The following SLC12A7 variants were observed in gnomAD, a reference collection of about 807,000 sequenced individuals.
The protein encoded by SLC12A7 is solute carrier family 12 member 7, also known as K-Cl cotransporter 4.
Under a neutral mutation model 120.6 loss-of-function variants are expected in SLC12A7, and 100 were observed. That is an observed-to-expected ratio of 0.83 (90% CI 0.71 to 0.98). The LOEUF is 0.98. Among genes scored for constraint, SLC12A7 ranks in the 50% least tolerant of loss-of-function variants. The pLI is 0.00. For missense variants in SLC12A7, 1,373 were observed against 1,548.1 expected (o/e 0.89, Z 1.90); for synonymous variants, 760 against 678.0 (o/e 1.12, Z -1.88).
rs567702217 is a variant in SLC12A7 at position 1,075,111 on chromosome 5, G to A, written c.1967+260C>T. The stretch of plus-strand genomic sequence containing the variant: ...AGGAATAGTCAGCCGTGGGCTCACC[G>A]CCTGCTGAGGACGGCACGAGACAGA... On this transcript the variant is annotated intron_variant, in intron 15 of 23. Coordinates refer to ENST00000264930, the MANE Select transcript of SLC12A7 (RefSeq NM_006598.3). Among the ~76,000 whole-genome samples, 14 of 152,318 alleles carry A rather than the reference G, an allele frequency of 9.2e-5. No individual in the cohort carries two copies. The East Asian group carries it at 9.6e-4, about 10-fold the overall frequency.
Position 1,075,498 on chromosome 5 carries a change from C to T in SLC12A7, c.1848-8G>A, listed in dbSNP as rs561542043. ...CCCAGAAAGGACAGGGTCCTGGGGG[C>T]GGGGCAAGTGGCTCGGGGCGGCCCA... On this transcript the variant is annotated splice_region_variant and splice_polypyrimidine_tract_variant and intron_variant, in intron 14 of 23. Transcript: ENST00000264930. The T allele has an allele frequency of 2.7e-5, 44 of 1,607,606 alleles. 1 individual carries two copies. Among genetic ancestry groups the T allele is most frequent in the Middle Eastern group, 1.7e-4 (1 of 6,042 alleles).
At chr5:1,061,072 A>C (rs1579319569) in intron 20 of SLC12A7, among the ~76,000 whole-genome samples, 2 of 91,060 alleles carry the variant, frequency 2.2e-5, no homozygotes, top group African/African-American at 1.3e-4. Flanking sequence ...CACCCGCCGC[A>C]CCTGCCGCAT....
At chr5:1,094,497 A>AACACAAGCTATCCCTAGG (rs1237316252) in intron 1 of SLC12A7, among the ~76,000 whole-genome samples, 1 of 152,120 alleles carries the variant, frequency 6.6e-6, no homozygotes, top group East Asian at 1.9e-4. Flanking sequence ...CTATCCCCAG[A>AACACAAGCTATCCCTAGG]ACACAAGCTA....
At chr5:1,152,654 C>T in the SLC12A7 span, among the ~76,000 whole-genome samples, 4 of 121,522 alleles carry the variant, frequency 3.3e-5, no homozygotes, top group East Asian at 2.6e-4. Flanking sequence ...TAGAGAAGGG[C>T]GACTCCCTTA....
At chr5:1,093,345 G>A (rs1233201774) in intron 3 of SLC12A7, among the ~76,000 whole-genome samples, 188 bp downstream of exon 3, 1 of 152,184 alleles carries the variant, frequency 6.6e-6, no homozygotes, top group African/African-American at 2.4e-5. Context: ...CGGTGGAGAG[G>A]GAAGAGGCCT....
At chr5:1,139,531 GC>G in the SLC12A7 span, among the ~76,000 whole-genome samples, 2 of 152,264 alleles carry the variant, frequency 1.3e-5, no homozygotes, top group African/African-American at 4.8e-5. Flanking sequence ...CAGCAATGGT[GC>G]CACATGCCGG....
chr5:1,078,910 T>C (rs1371292619), intron 10 of SLC12A7, 152 bp from the exon 11 acceptor site: 1 of 679,282 alleles, frequency 1.5e-6, no homozygotes, highest in African/African-American at 1.8e-5. Flanking sequence ...TCCCATCCCA[T>C]CCCGGGCACG....
chr5:1,133,354 C>G, the SLC12A7 span, among the ~76,000 whole-genome samples: 88 of 152,324 alleles, frequency 5.8e-4, no homozygotes, highest in African/African-American at 2.1e-3. Flanking sequence ...CAGACCCCAG[C>G]TTGAATCCCG....
At chr5:1,078,366 C>A (rs550859209) in intron 11 of SLC12A7, among the ~76,000 whole-genome samples, 2 of 152,152 alleles carry the variant, frequency 1.3e-5, no homozygotes, top group Admixed American at 1.3e-4. Flanking sequence ...GATGACCTGC[C>A]TGGGACCCCA....
chr5:1,137,031 G>A, the SLC12A7 span, among the ~76,000 whole-genome samples: 2 of 151,844 alleles, frequency 1.3e-5, no homozygotes, highest in Non-Finnish European at 2.9e-5. Flanking sequence ...ACACACACGT[G>A]CTCACACACT....
rs551694473 is a variant in SLC12A7, at chr5:1,100,222, C to T, written c.125-5974G>A. ...AATGTCCCTCACCCTCGGGCGGCAC[C>T]GGGACGGCAGGGGCTGGTACCCTCC... On this transcript the variant is annotated intron_variant, in intron 1 of 23. Transcript: ENST00000264930. Among the ~76,000 whole-genome samples the T allele has an allele frequency of 4.2e-3, 637 of 152,272 alleles. 3 individuals are homozygous for T. The highest frequency in any genetic ancestry group is 7.7e-3 in the Non-Finnish European group (525 of 68,000).
At chr5:1,115,511 TG>T (rs1345563432), upstream of SLC12A7, among the ~76,000 whole-genome samples, 2 of 152,032 alleles carry the variant, frequency 1.3e-5, no homozygotes, top group African/African-American at 2.4e-5. Context: ...CCTGTTAGGG[TG>T]GGGGGCTCAT....
chr5:1,081,128 G>C (rs6879334), intron 9 of SLC12A7, among the ~76,000 whole-genome samples: 1 of 151,980 alleles, frequency 6.6e-6, no homozygotes, highest in East Asian at 1.9e-4. Flanking sequence ...AGTGCCGGAG[G>C]AGAGAATGAC....
chr5:1,078,776 GA>G lies in SLC12A7; in HGVS notation c.1397-19del. ...GGAGAGATCCACAGCCCTCGTCAAGGAAAGGCAGGTCCGTGGGTGCAGGGTC... is the reference window on the plus strand; with the variant it reads ...GGAGAGATCCACAGCCCTCGTCAAGGAAGGCAGGTCCGTGGGTGCAGGGTC... On this transcript the variant is annotated intron_variant, in intron 10 of 23. Transcript: ENST00000264930. 6.2e-7 allele frequency: 1 copy of G among 1,601,426 alleles called. No individual in the cohort carries two copies. The highest frequency in any genetic ancestry group is 8.5e-7 in the Non-Finnish European group (1 of 1,172,704).
chr5:1,073,525 C>G (rs1416055881), intron 17 of SLC12A7, 108 bp downstream of exon 17: 1 of 1,243,488 alleles, frequency 8.0e-7, no homozygotes. Flanking sequence ...CACAGCAGCG[C>G]CACGCACAGC....
intron 22 of SLC12A7, 123 bp from the exon 23 acceptor site, chr5:1,053,605 C>T (rs965783231): frequency 7.8e-7 from 1 of 1,281,078 alleles, no homozygotes; most frequent in Non-Finnish European, 1.1e-6. Flanking sequence ...GAGTCAGGAT[C>T]AGGCGGATTC....
At chr5:1,125,865 C>T in the SLC12A7 span, among the ~76,000 whole-genome samples, 1 of 142,810 alleles carries the variant, frequency 7.0e-6, no homozygotes, top group Non-Finnish European at 1.5e-5. Context: ...GCGGAAGTTG[C>T]AGGGAGCTGA....
At position 1,060,322 on chromosome 5, in the gene SLC12A7, T is replaced by TGTGGCC. The variant is rs766755590; in HGVS notation, c.2847+16_2847+21dup. The TGTGGCC allele has an allele frequency of 1.0e-5, 16 of 1,575,532 alleles. No individual in the cohort carries two copies. In the South Asian group the frequency reaches 1.7e-4, roughly 16 times the overall value. On this transcript the variant is annotated intron_variant, in intron 21 of 23. Transcript: ENST00000264930. ...TATACTTCTCAGAAAGCCTGGTGTC[T>TGTGGCC]GTGGCCACGGCCCCCACGTACCTCT...
At chr5:1,122,082 C>A in the SLC12A7 span, among the ~76,000 whole-genome samples, 1 of 152,206 alleles carries the variant, frequency 6.6e-6, no homozygotes, top group East Asian at 1.9e-4. Flanking sequence ...GGGCCCACGG[C>A]AACGCAGCCC....
Sources: gnomAD v4.1 joint callset for allele counts (sites outside exome capture counted in the v4.1 genomes callset) on GRCh38, gnomAD v4.1.1 for gene constraint, MANE v1.5 for transcripts, NCBI Gene and HGNC (gene_info 2026-07-23, HGNC 2026-07-21) for gene names.